The following UBAP2L variants were observed in gnomAD, a reference collection of about 807,000 sequenced individuals.
UBAP2L encodes the protein ubiquitin associated protein 2 like.
Under a neutral mutation model 130.6 loss-of-function variants are expected in UBAP2L, and 12 were observed. The observed-to-expected ratio is 0.09, with a 90% CI of 0.06 to 0.15. The LOEUF is 0.15. Among genes scored for constraint, UBAP2L ranks in the 10% least tolerant of loss-of-function variants. The pLI is 1.00. For missense variants in UBAP2L, 965 were observed against 1,332.5 expected, an observed-to-expected ratio of 0.72 and a Z score of 4.29; for synonymous variants, 503 against 524.7, an observed-to-expected ratio of 0.96 and a Z score of 0.57.
intron 1 of UBAP2L, among the ~76,000 whole-genome samples, chr1:154,224,785 T>C (rs1172326302): frequency 6.6e-6 from 1 of 152,250 alleles, no homozygotes; most frequent in Non-Finnish European, 1.5e-5. Flanking sequence ...TGTAAAAGGC[T>C]TTTGATTATT....
chr1:154,241,709 C>T, intron 9 of UBAP2L, 144 bp downstream of exon 9: 1 of 1,451,680 alleles, frequency 6.9e-7, no homozygotes, highest in East Asian at 2.5e-5. Context: ...GTGTTCTGAG[C>T]CAGAACATTT....
chr1:154,225,438 C>A (rs1010406284), intron 2 of UBAP2L, among the ~76,000 whole-genome samples: 1 of 151,014 alleles, frequency 6.6e-6, no homozygotes, highest in Non-Finnish European at 1.5e-5. Context: ...TGAGGCTTAG[C>A]ACTTTATTAT....
chr1:154,268,283 C>T (rs1232734598), intron 25 of UBAP2L, among the ~76,000 whole-genome samples: 1 of 151,258 alleles, frequency 6.6e-6, no homozygotes, highest in Non-Finnish European at 1.5e-5. Flanking sequence ...CCTCCACCTC[C>T]CAGGTTCAAG....
At position 154,225,081 on chromosome 1, in the gene UBAP2L, C is replaced by T. The variant is rs111583808; in HGVS notation, c.-40-3C>T. On this transcript the variant is annotated splice_region_variant and splice_polypyrimidine_tract_variant and intron_variant, in intron 1 of 26. Transcript: ENST00000428931. ...ATACCTAATTTTCTTTTAAATCTTT[C>T]AGTATTCTACCTTGTAAATACTGTT... 3 of 1,599,078 alleles carry T rather than the reference C, an allele frequency of 1.9e-6. No individual in the cohort carries two copies. Among genetic ancestry groups the T allele is most frequent in the African/African-American group, 1.3e-5 (1 of 74,524 alleles).
chr1:154,269,115 A>G, intron 26 of UBAP2L, 161 bp downstream of exon 26: 1 of 973,282 alleles, frequency 1.0e-6, no homozygotes, highest in East Asian at 2.6e-5. Context: ...AAGCGCACAT[A>G]ACACGAGCGG....
At chr1:154,233,348 C>T (rs1022453133) in intron 4 of UBAP2L, among the ~76,000 whole-genome samples, 3 of 148,720 alleles carry the variant, frequency 2.0e-5, no homozygotes, top group African/African-American at 7.5e-5. Flanking sequence ...GAGATGGAAC[C>T]TTGCTCTGTG....
Position 154,262,833 on chromosome 1 carries a change from G to A in UBAP2L, c.2902+1136G>A, listed in dbSNP as rs538186408. Reference sequence around the variant, plus strand: ...AAGGTTCACCCTAAATCTTGGTGGGGAGGATTATAAGCCTTTTGACTTGGA... The same window carrying A: ...AAGGTTCACCCTAAATCTTGGTGGGAAGGATTATAAGCCTTTTGACTTGGA... On this transcript the variant is annotated intron_variant, in intron 24 of 26. Transcript: ENST00000428931. Among the ~76,000 whole-genome samples, 10 of 152,266 alleles carry A rather than the reference G, an allele frequency of 6.6e-5. No homozygotes were observed. The East Asian group carries it at 1.9e-3, about 29-fold the overall frequency.
Position 154,260,003 on chromosome 1 carries a change from G to A in UBAP2L, c.2552G>A (p.Gly851Asp), listed in dbSNP as rs1307889327. ...TPTTPLTGRDGSLASNPYSGD... is the reference protein window; with the variant it reads ...TPTTPLTGRDDSLASNPYSGD... ...ACTACTCCGCTGACTGGGAGGGATG[G>A]TAGCCTGGCCAGCAACCCTTATTCT... Residue 851 changes from glycine to aspartate, a missense_variant, in exon 22 of 27, where the codon GGT becomes GAT. Gly to Asp is a moderately conservative substitution (Grantham distance 94, BLOSUM62 -1). This residue lies in a region of UBAP2L where 194 missense variants were observed against 334.0 expected (regional missense o/e 0.58). Transcript: ENST00000428931. 6.2e-7 allele frequency: 1 copy of A among 1,614,132 alleles called. No homozygotes were observed. Among genetic ancestry groups the A allele is most frequent in the Admixed American group, 1.7e-5 (1 of 60,020 alleles).
In UBAP2L at chr1:154,255,709, T is replaced by C; in HGVS notation, c.2111T>C (p.Leu704Pro). The C allele has an allele frequency of 6.2e-7, 1 of 1,614,200 alleles. No homozygotes were observed. The highest frequency in any genetic ancestry group is 8.5e-7 in the Non-Finnish European group (1 of 1,180,040). Reference protein sequence around the residue: ...SSTLSTQQNTLSSSTSSGRTS... With the variant: ...SSTLSTQQNTPSSSTSSGRTS... ...ACGTTATCTACGCAGCAGAATACCC[T>C]TTCATCATCAACATCTTCTGGGCGC... The change falls in exon 18 of 27, where the codon CTT becomes CCT. Residue 704 changes from leucine (L) to proline (P), a missense_variant. Coordinates refer to ENST00000428931, the MANE Select transcript of UBAP2L (RefSeq NM_014847.4).
intron 12 of UBAP2L, among the ~76,000 whole-genome samples, chr1:154,249,864 CAAAA>C (rs1187501487): frequency 3.3e-5 from 2 of 61,168 alleles, no homozygotes; most frequent in Non-Finnish European, 3.5e-5. Context: ...TAGCTTTCCG[CAAAA>C]AAAAAAAAAA....
In UBAP2L at chr1:154,270,783, T is replaced by TTTAA; in HGVS notation, c.*490_*491insAATT. ...GGTTTTTTTTTTGTTTTTTTTTTTT[T>TTTAA]TTTGTACTGTGTCCTCAAATTTAAT... On this transcript the variant is annotated 3_prime_UTR_variant, in exon 27 of 27. Transcript: ENST00000428931. 7.5e-7 allele frequency: 1 copy of TTTAA among 1,331,756 alleles called. No individual in the cohort carries two copies. The highest frequency in any genetic ancestry group is 9.6e-7 in the Non-Finnish European group (1 of 1,037,220). 82.5% of individuals were successfully genotyped at this position (1,331,756 alleles called of 1,614,324 possible). A position where few individuals can be genotyped will look rare whatever the true frequency, so the allele number is the denominator to read the frequency against.
At chr1:154,225,945 C>G (rs751639019) in intron 2 of UBAP2L, among the ~76,000 whole-genome samples, 4 of 152,210 alleles carry the variant, frequency 2.6e-5, no homozygotes, top group Non-Finnish European at 4.4e-5. Context: ...TTCTGAGTAG[C>G]TGGGATTACA....
intron 24 of UBAP2L, among the ~76,000 whole-genome samples, chr1:154,262,854 T>C (rs1423789716): frequency 6.6e-6 from 1 of 152,140 alleles, no homozygotes; most frequent in Non-Finnish European, 1.5e-5. Context: ...GCCTTTTGAC[T>C]TGGAGTGGTG....
intron 24 of UBAP2L, chr1:154,263,481 A>C (rs976454181): frequency 9.0e-7 from 1 of 1,114,000 alleles, no homozygotes; most frequent in Non-Finnish European, 1.1e-6. Flanking sequence ...AGTCTTCAAT[A>C]AACTGTGGTA....
At chr1:154,236,968 T>C (rs1169988275) in intron 7 of UBAP2L, 56 bp from the exon 8 acceptor site, 8 of 1,341,986 alleles carry the variant, frequency 6.0e-6, no homozygotes, top group Non-Finnish European at 7.4e-6. Flanking sequence ...TTCTTTGAGT[T>C]AATATTTGCC....
rs755332279 is a variant in UBAP2L, at chr1:154,253,883, C to T, written c.1665-17C>T. ...TCTATTTTGTTTCTCTGAGATTTTT[C>T]TCTTCGTTACTCACAGTGAATCATC... On this transcript the variant is annotated splice_polypyrimidine_tract_variant and intron_variant, in intron 14 of 26. Transcript: ENST00000428931. The T allele has an allele frequency of 6.2e-6, 10 of 1,612,228 alleles. No homozygotes were observed. The highest frequency in any genetic ancestry group is 8.5e-6 in the Non-Finnish European group (10 of 1,179,540).
At chr1:154,231,607 T>A (rs1288949922) in intron 4 of UBAP2L, among the ~76,000 whole-genome samples, 2 of 152,176 alleles carry the variant, frequency 1.3e-5, no homozygotes, top group Non-Finnish European at 2.9e-5. Flanking sequence ...GGCCCTGTTT[T>A]CTATTTCTAT....
Position 154,228,607 on chromosome 1 carries a change from T to C in UBAP2L, c.169-8T>C. 6.2e-7 allele frequency: 1 copy of C among 1,610,046 alleles called. No individual in the cohort carries two copies. The highest frequency in any genetic ancestry group is 8.5e-7 in the Non-Finnish European group (1 of 1,176,586). ...TGTTCATGATGGTTGCTGTTTTTTCTCTTTCAGTTGATTGATATTACAGGC... is the reference window on the plus strand; with the variant it reads ...TGTTCATGATGGTTGCTGTTTTTTCCCTTTCAGTTGATTGATATTACAGGC... On this transcript the variant is annotated splice_region_variant and splice_polypyrimidine_tract_variant and intron_variant, in intron 3 of 26. Coordinates refer to ENST00000428931, the MANE Select transcript of UBAP2L (RefSeq NM_014847.4).
intron 9 of UBAP2L, 177 bp downstream of exon 9, chr1:154,241,742 C>A (rs1007045694): frequency 2.0e-6 from 2 of 985,218 alleles, no homozygotes; most frequent in African/African-American, 3.5e-5. Flanking sequence ...ATGAAGGAGA[C>A]TGGGCATGAA....
Sources: gnomAD v4.1 joint callset for allele counts (sites outside exome capture counted in the v4.1 genomes callset) on GRCh38, gnomAD v4.1.1 for gene constraint, gnomAD v4.1.1 regional missense constraint, MANE v1.5 for transcripts, NCBI Gene and HGNC (gene_info 2026-07-23, HGNC 2026-07-21) for gene names.